The following IL1RAPL1 variants were observed in gnomAD, a reference collection of about 807,000 sequenced individuals.
IL1RAPL1 encodes the protein interleukin 1 receptor accessory protein like 1, also known as interleukin-1 receptor accessory protein-like 1.
IL1RAPL1 carries 3 observed loss-of-function variants against 48.4 expected under a neutral mutation model. That is an observed-to-expected ratio of 0.06 (90% CI 0.03 to 0.16). The LOEUF (loss-of-function observed/expected upper bound fraction) is 0.16. Among genes scored for constraint, IL1RAPL1 ranks in the 10% least tolerant of loss-of-function variants. IL1RAPL1 has a pLI of 1.00. For missense variants in IL1RAPL1, 349 were observed against 530.6 expected, an observed-to-expected ratio of 0.66 and a Z score of 3.36; for synonymous variants, 185 against 187.7, an observed-to-expected ratio of 0.99 and a Z score of 0.12.
At chrX:29,379,060 C>T (rs140223337) in intron 3 of IL1RAPL1, among the ~76,000 whole-genome samples, 1 of 112,375 alleles carries the variant, frequency 8.9e-6, no homozygotes, top group Admixed American at 9.4e-5. Flanking sequence ...CAGATCTCAG[C>T]TTAGCATTCC....
At chrX:29,919,278 CCTAA>C (rs1169753926) in intron 7 of IL1RAPL1, among the ~76,000 whole-genome samples, 1 of 111,673 alleles carries the variant, frequency 9.0e-6, no homozygotes, top group Non-Finnish European at 1.9e-5. Flanking sequence ...CAATTAACCT[CCTAA>C]CTTTTACCCC....
At chrX:29,400,941 C>A (rs1032831339) in intron 5 of IL1RAPL1, among the ~76,000 whole-genome samples, 11 of 111,404 alleles carry the variant, frequency 9.9e-5, no homozygotes, top group Non-Finnish European at 2.1e-4. Flanking sequence ...TTAGTAAGCA[C>A]CTCTTTCCCC....
At chrX:29,685,396 G>A (rs145794933) in intron 6 of IL1RAPL1, among the ~76,000 whole-genome samples, 6,906 of 109,368 alleles carry the variant, frequency 0.063, 216 homozygotes, top group Middle Eastern at 0.25. Context: ...CCAGCTACTC[G>A]GGAGGCTGAG....
chrX:28,701,432 A>G (rs1408686366), intron 1 of IL1RAPL1, among the ~76,000 whole-genome samples: 3 of 112,030 alleles, frequency 2.7e-5, no homozygotes, highest in Non-Finnish European at 3.8e-5. Flanking sequence ...TTTTCCTGCC[A>G]TGATACTGAT....
chrX:29,300,476 A>C (rs1345988085), intron 3 of IL1RAPL1, among the ~76,000 whole-genome samples: 1 of 112,513 alleles, frequency 8.9e-6, no homozygotes, highest in Non-Finnish European at 1.9e-5. Flanking sequence ...TTTTTAGTGC[A>C]AACTATTTAC....
At chrX:29,830,202 G>A (rs1480262740) in intron 6 of IL1RAPL1, among the ~76,000 whole-genome samples, 1 of 111,522 alleles carries the variant, frequency 9.0e-6, no homozygotes, top group Non-Finnish European at 1.9e-5. Flanking sequence ...CCTGCCTTAA[G>A]CTAAACTAGA....
chrX:29,234,334 G>C, intron 2 of IL1RAPL1, among the ~76,000 whole-genome samples: 1 of 111,731 alleles, frequency 9.0e-6, no homozygotes, highest in East Asian at 2.8e-4. Flanking sequence ...CTTTGGATCA[G>C]TGCAGTAACC....
intron 1 of IL1RAPL1, among the ~76,000 whole-genome samples, chrX:28,709,953 T>G (rs1935420635): frequency 8.9e-6 from 1 of 111,880 alleles, no homozygotes. Flanking sequence ...AGGAGAACTG[T>G]TGGATTGTAT....
chrX:29,252,178 G>A (rs111621169), intron 2 of IL1RAPL1, among the ~76,000 whole-genome samples: 5,249 of 109,730 alleles, frequency 0.048, 306 homozygotes, highest in African/African-American at 0.18. Flanking sequence ...TGACGAGTTA[G>A]TGGGTGCAGC....
rs759582179 is a variant in IL1RAPL1, at chrX:28,630,664, A to G, written c.-25+42617A>G. Among the ~76,000 whole-genome samples the G allele has an allele frequency of 4.5e-5, 5 of 112,300 alleles. No homozygotes were observed. The South Asian group carries it at 1.8e-3, about 41-fold the overall frequency. On this transcript the variant is annotated intron_variant, in intron 1 of 10. Coordinates refer to ENST00000378993, the MANE Select transcript of IL1RAPL1 (RefSeq NM_014271.4). ...CAACTGATATTTTCTAGCAATTTTA[A>G]GGAGGATAAAAATAATTCTTGAGTG...
chrX:29,464,766 A>C (rs898583326), intron 5 of IL1RAPL1, among the ~76,000 whole-genome samples: 1 of 112,104 alleles, frequency 8.9e-6, no homozygotes, highest in African/African-American at 3.2e-5. Flanking sequence ...AGAATGAGAT[A>C]TTGTCCTTTG....
At chrX:28,895,173 C>T (rs1160881345) in intron 2 of IL1RAPL1, among the ~76,000 whole-genome samples, 4 of 110,425 alleles carry the variant, frequency 3.6e-5, no homozygotes, top group East Asian at 5.7e-4. Flanking sequence ...TTCGGCACCA[C>T]GGGGTGGGTA....
intron 3 of IL1RAPL1, among the ~76,000 whole-genome samples, chrX:29,322,567 G>A (rs1000394294): frequency 3.6e-5 from 4 of 112,145 alleles, no homozygotes; most frequent in Non-Finnish European, 7.5e-5. Flanking sequence ...GCCCGGCTAA[G>A]TTCAACATAT....
intron 5 of IL1RAPL1, among the ~76,000 whole-genome samples, chrX:29,555,397 C>G (rs908587310): frequency 8.9e-6 from 1 of 112,222 alleles, no homozygotes; most frequent in Admixed American, 9.4e-5. Context: ...TGATGCCTCA[C>G]TGATACATCC....
intron 2 of IL1RAPL1, among the ~76,000 whole-genome samples, chrX:28,937,392 A>G (rs2147346882): frequency 9.0e-6 from 1 of 111,245 alleles, no homozygotes; most frequent in East Asian, 2.8e-4. Flanking sequence ...AGGTAACTCC[A>G]GTGAGGTAGA....
intron 5 of IL1RAPL1, among the ~76,000 whole-genome samples, chrX:29,618,299 A>C (rs948869594): frequency 3.6e-5 from 4 of 112,042 alleles, no homozygotes; most frequent in Admixed American, 1.9e-4. Context: ...GTCCTATGAC[A>C]CATAATACTT....
intron 2 of IL1RAPL1, among the ~76,000 whole-genome samples, chrX:29,118,056 G>A (rs1928710585): frequency 8.9e-6 from 1 of 111,918 alleles, no homozygotes; most frequent in Non-Finnish European, 1.9e-5. Flanking sequence ...GCCAAGATGT[G>A]TTCGGTTTTT....
At chrX:29,473,344 G>A (rs753578478) in intron 5 of IL1RAPL1, among the ~76,000 whole-genome samples, 1 of 111,261 alleles carries the variant, frequency 9.0e-6, no homozygotes. Flanking sequence ...CACATTCTGA[G>A]GTACTAGGGG....
chrX:29,052,806 G>A (rs1267582792), intron 2 of IL1RAPL1, among the ~76,000 whole-genome samples: 1 of 111,187 alleles, frequency 9.0e-6, no homozygotes, highest in Non-Finnish European at 1.9e-5. Flanking sequence ...TGAGTAGCTG[G>A]GATTACAGGC....
Sources: gnomAD v4.1 joint callset for allele counts (sites outside exome capture counted in the v4.1 genomes callset) on GRCh38, gnomAD v4.1.1 for gene constraint, MANE v1.5 for transcripts, NCBI Gene and HGNC (gene_info 2026-07-23, HGNC 2026-07-21) for gene names.